DPP6: variants seen among roughly 807,000 people sequenced by gnomAD.
DPP6 encodes dipeptidyl peptidase like 6, also known as A-type potassium channel modulatory protein DPP6.
DPP6 carries 69 observed loss-of-function variants against 122.6 expected under a neutral mutation model. The observed-to-expected ratio is 0.56, with a 90% CI of 0.46 to 0.69. The LOEUF is 0.69. Ranked by LOEUF, DPP6 falls within the 30% of genes least tolerant of loss-of-function variation. DPP6 has a pLI of 0.00. For missense variants in DPP6, 928 were observed against 1,116.9 expected (o/e 0.83, Z 2.41); for synonymous variants, 418 against 433.1 (o/e 0.97, Z 0.43).
At chr7:154,356,044 G>T (rs566236575) in intron 1 of DPP6, among the ~76,000 whole-genome samples, 1 of 152,108 alleles carries the variant, frequency 6.6e-6, no homozygotes, top group East Asian at 1.9e-4. Context: ...GTAAGGTCTT[G>T]CTTATTTTTA....
Position 154,563,406 on chromosome 7 carries a change from G to A in DPP6, c.553-3436G>A, listed in dbSNP as rs369687294. On this transcript the variant is annotated intron_variant, in intron 4 of 25. Transcript: ENST00000377770. ...TTTCCCACAGGTGAGATGGGAAGCTGTGGGAGGGTTTCCCAGGGGAGCGAT... is the reference window on the plus strand; with the variant it reads ...TTTCCCACAGGTGAGATGGGAAGCTATGGGAGGGTTTCCCAGGGGAGCGAT... Among the ~76,000 whole-genome samples the A allele has an allele frequency of 7.2e-5, 11 of 152,328 alleles. No homozygotes were observed. In the East Asian group the frequency reaches 2.1e-3, roughly 29 times the overall value.
In DPP6 at chr7:154,319,775, G is replaced by A. The variant is rs979890386; in HGVS notation, c.244-126439G>A. ...TGGGATGCTGAGGTGGGCAGATCAC[G>A]AGGTCAGGAGATCGAGACCATCCTG... is the stretch of plus-strand genomic sequence containing the variant. On this transcript the variant is annotated intron_variant, in intron 1 of 25. Coordinates refer to ENST00000377770, the MANE Select transcript of DPP6 (RefSeq NM_130797.4). Among the ~76,000 whole-genome samples the A allele has an allele frequency of 3.3e-5, 5 of 152,020 alleles. No individual in the cohort carries two copies. In the East Asian group the frequency reaches 9.7e-4, roughly 29 times the overall value.
At chr7:153,749,406 C>T in the DPP6 span, among the ~76,000 whole-genome samples, 3 of 152,122 alleles carry the variant, frequency 2.0e-5, no homozygotes, top group Non-Finnish European at 4.4e-5. This position sits in a 1 kb window ranked among gnomAD's most constrained non-coding sequence, Gnocchi z 4.1. Flanking sequence ...TGGGCCAGAG[C>T]TTGCAGAGGA....
chr7:154,190,606 G>T (rs145190772), intron 1 of DPP6, among the ~76,000 whole-genome samples: 1,563 of 152,168 alleles, frequency 0.01, 31 homozygotes, highest in African/African-American at 0.035. Context: ...TTTCTTTAAA[G>T]ATTTTTTTCC....
At chr7:154,591,475 T>G (rs1832806009) in intron 5 of DPP6, among the ~76,000 whole-genome samples, 2 of 152,158 alleles carry the variant, frequency 1.3e-5, no homozygotes, top group South Asian at 4.2e-4. Context: ...CAGGGATAAT[T>G]ATGGTAGTGA....
intron 1 of DPP6, among the ~76,000 whole-genome samples, chr7:153,926,210 C>G (rs965608021): frequency 6.6e-6 from 1 of 152,206 alleles, no homozygotes; most frequent in South Asian, 2.1e-4. Context: ...ATCATGTACA[C>G]CTTTCTATCT....
At chr7:154,264,623 G>C (rs943320443) in intron 1 of DPP6, among the ~76,000 whole-genome samples, 5 of 152,042 alleles carry the variant, frequency 3.3e-5, no homozygotes, top group Admixed American at 1.3e-4. Flanking sequence ...GGTGGTGATG[G>C]TGATGATGAT....
intron 1 of DPP6, among the ~76,000 whole-genome samples, chr7:153,899,207 TCCTCCTTCTCCTCCTCCTC>T (rs1231293423): frequency 9.2e-5 from 14 of 151,790 alleles, no homozygotes; most frequent in African/African-American, 3.4e-4. Flanking sequence ...CTCCTCCTCC[TCCTCCTTCTCCTCCTCCTC>T]CTTTGATTAT....
chr7:154,471,049 G>T (rs1488235293), intron 2 of DPP6, among the ~76,000 whole-genome samples: 2 of 152,050 alleles, frequency 1.3e-5, no homozygotes. Flanking sequence ...TCAGGAGTTC[G>T]AGACCAGCCT....
chr7:154,345,124 G>T (rs1311398826), intron 1 of DPP6, among the ~76,000 whole-genome samples: 2 of 152,136 alleles, frequency 1.3e-5, no homozygotes, highest in Admixed American at 1.3e-4. Context: ...AAGTTCTAGA[G>T]GCTGAAAGTC....
chr7:154,130,349 A>G (rs1204841835), intron 1 of DPP6, among the ~76,000 whole-genome samples: 4 of 152,090 alleles, frequency 2.6e-5, no homozygotes, highest in African/African-American at 9.7e-5. Flanking sequence ...AGTTGCTGAA[A>G]CTTGCCAGCT....
intron 1 of DPP6, among the ~76,000 whole-genome samples, chr7:154,188,383 A>G (rs1181436017): frequency 6.6e-6 from 1 of 152,206 alleles, no homozygotes; most frequent in African/African-American, 2.4e-5. Flanking sequence ...GATTAATAAG[A>G]CACAGTCCTT....
At chr7:153,990,991 A>G in intron 1 of DPP6, among the ~76,000 whole-genome samples, 1 of 152,208 alleles carries the variant, frequency 6.6e-6, no homozygotes, top group Non-Finnish European at 1.5e-5. Flanking sequence ...TCCCCTTGGG[A>G]TGTGCAGTGG....
At position 154,234,769 on chromosome 7, in the gene DPP6, C is replaced by T. The variant is rs115541993; in HGVS notation, c.243+181706C>T. On this transcript the variant is annotated intron_variant, in intron 1 of 25. Coordinates refer to ENST00000377770, the MANE Select transcript of DPP6 (RefSeq NM_130797.4). ...GAGGGTCCAACAGGTGCCATGCAAT[C>T]AGGTGTGCACTCAGTATGGGCTGGG... Among the ~76,000 whole-genome samples, 1,155 of 152,264 alleles carry T rather than the reference C, an allele frequency of 7.6e-3. 14 individuals carry two copies. Among genetic ancestry groups the T allele is most frequent in the African/African-American group, 0.026 (1,076 of 41,556 alleles).
At chr7:154,063,736 G>A (rs925145026) in intron 1 of DPP6, among the ~76,000 whole-genome samples, 7 of 147,204 alleles carry the variant, frequency 4.8e-5, no homozygotes, top group Admixed American at 2.7e-4. Context: ...CTTCCCCCCC[G>A]GCTTAGGACC....
At chr7:153,852,192 C>T in the DPP6 span, among the ~76,000 whole-genome samples, 3 of 152,160 alleles carry the variant, frequency 2.0e-5, no homozygotes, top group Non-Finnish European at 4.4e-5. Context: ...GTGAGATGTG[C>T]TGGAGTGGTT....
intron 7 of DPP6, among the ~76,000 whole-genome samples, chr7:154,718,847 C>T (rs1344018238): frequency 1.3e-5 from 2 of 151,962 alleles, no homozygotes; most frequent in East Asian, 3.9e-4. Context: ...ACTGTGTTGG[C>T]CAGGCTGGTC....
intron 10 of DPP6, among the ~76,000 whole-genome samples, chr7:154,788,416 C>T (rs1057056475): frequency 6.6e-6 from 1 of 150,822 alleles, no homozygotes; most frequent in Non-Finnish European, 1.5e-5. Context: ...TGCACTCTAG[C>T]CTGGGTGACA....
intron 5 of DPP6, among the ~76,000 whole-genome samples, chr7:154,634,023 T>A (rs58938437): frequency 0.067 from 10,102 of 150,612 alleles, 1,112 homozygotes; most frequent in African/African-American, 0.23. Flanking sequence ...TTTTTTTTTT[T>A]AATTATACTT....
Sources: gnomAD v4.1 joint callset for allele counts (sites outside exome capture counted in the v4.1 genomes callset) on GRCh38, gnomAD v4.1.1 for gene constraint, Gnocchi (gnomAD v3.1) non-coding constraint, MANE v1.5 for transcripts, NCBI Gene and HGNC (gene_info 2026-07-23, HGNC 2026-07-21) for gene names.